GAK: variants seen among roughly 807,000 people sequenced by gnomAD.
GAK encodes the protein cyclin G associated kinase.
GAK carries 79 observed loss-of-function variants against 143.9 expected under a neutral mutation model. The observed-to-expected ratio is 0.55, with a 90% CI of 0.46 to 0.66. The LOEUF (loss-of-function observed/expected upper bound fraction) is 0.66, where lower values mean the gene tolerates loss of function less well. Ranked by LOEUF, GAK falls within the 30% of genes least tolerant of loss-of-function variation. The probability of loss-of-function intolerance (pLI) is 0.00; values close to 1 mark genes in which losing one functional copy is unlikely to be tolerated. For missense variants in GAK, 1,693 were observed against 1,779.7 expected (o/e 0.95, Z 0.88); for synonymous variants, 881 against 765.5 (o/e 1.15, Z -2.49).
intron 18 of GAK, among the ~76,000 whole-genome samples, chr4:875,604 C>T (rs573986630): frequency 2.0e-5 from 3 of 152,350 alleles, no homozygotes; most frequent in East Asian, 1.9e-4. Context: ...TGGGAGCCCC[C>T]GTGGGTGCCC....
At chr4:919,388 A>C (rs1000206365) in intron 1 of GAK, among the ~76,000 whole-genome samples, 2 of 152,224 alleles carry the variant, frequency 1.3e-5, no homozygotes, top group Non-Finnish European at 2.9e-5. Context: ...GAAAGACAGA[A>C]GGCTCCAAAG....
At chr4:920,477 TC>T (rs1723734648) in intron 1 of GAK, among the ~76,000 whole-genome samples, 1 of 150,744 alleles carries the variant, frequency 6.6e-6, no homozygotes, top group South Asian at 2.1e-4. Context: ...AAGGAGAAGG[TC>T]CCAGAAGTCC....
Position 870,824 on chromosome 4 carries a change from C to G in GAK, c.2135G>C (p.Arg712Thr), listed in dbSNP as rs1712419078. ...QVNLEVEVEP[R>T]DRPSREAPPW... is the part of the protein sequence containing the mutation. Reference sequence around the variant, plus strand: ...TGGGGCTTCCCGGCTCGGCCTGTCCCTGGGCTCCACCTCCACTTCCAGGTT... The same window carrying G: ...TGGGGCTTCCCGGCTCGGCCTGTCCGTGGGCTCCACCTCCACTTCCAGGTT... Residue 712 changes from arginine (R) to threonine (T), a missense_variant, in exon 19 of 28, where the codon AGG (arginine) becomes ACG (threonine). By Grantham distance (71) the Arg-to-Thr change is moderately conservative. Coordinates refer to ENST00000314167, the MANE Select transcript of GAK (RefSeq NM_005255.4). 3.7e-6 allele frequency: 6 copies of G among 1,614,110 alleles called. No individual in the cohort carries two copies. Among genetic ancestry groups the G allele is most frequent in the Non-Finnish European group, 4.2e-6 (5 of 1,179,998 alleles).
At chr4:877,841 C>T (rs367654180) in intron 15 of GAK, 32 bp from the exon 16 acceptor site, 28 of 1,538,762 alleles carry the variant, frequency 1.8e-5, no homozygotes, top group Middle Eastern at 1.7e-4. Context: ...CACCACGTGA[C>T]GTGCCCTGAG....
rs923240478 is a variant in GAK at position 877,876 on chromosome 4, C to T, written c.1662-67G>A. The T allele has an allele frequency of 4.2e-6, 6 of 1,421,254 alleles. 1 individual carries two copies. In the African/African-American group the frequency reaches 7.2e-5, roughly 17 times the overall value. The allele number at this position is 1,421,254 out of a possible 1,614,324, so 88.0% of individuals were successfully genotyped here. ...GAGGGGACCACACAGCTGATTTTGTCTTTCGAATAGAAGTTTTTCATGCTA... is the reference window on the plus strand; with the variant it reads ...GAGGGGACCACACAGCTGATTTTGTTTTTCGAATAGAAGTTTTTCATGCTA... On this transcript the variant is annotated intron_variant, in intron 15 of 27. Transcript: ENST00000314167.
chr4:928,222 T>C (rs999477510), intron 1 of GAK, among the ~76,000 whole-genome samples: 1 of 152,204 alleles, frequency 6.6e-6, no homozygotes, highest in Admixed American at 6.5e-5. Flanking sequence ...CATGCCCAGC[T>C]AGTTTTTGTA....
intron 20 of GAK, 105 bp downstream of exon 20, chr4:868,434 G>T: frequency 8.2e-7 from 1 of 1,215,312 alleles, no homozygotes; most frequent in Non-Finnish European, 1.1e-6. Context: ...GTGCAACTCA[G>T]CTCTGCCGGA....
intron 11 of GAK, chr4:888,575 G>T: frequency 2.2e-6 from 1 of 457,870 alleles, no homozygotes; most frequent in Non-Finnish European, 3.9e-6. Flanking sequence ...CAGAGTGAGG[G>T]GCGACATTGC....
At chr4:898,732 G>A (rs991218008) in intron 5 of GAK, among the ~76,000 whole-genome samples, 2 of 152,114 alleles carry the variant, frequency 1.3e-5, no homozygotes, top group Non-Finnish European at 2.9e-5. Context: ...GCATGGTGGC[G>A]GGCGCCTGTA....
chr4:893,463 C>T lies in GAK; in HGVS notation c.904G>A (p.Glu302Lys), dbSNP rs755237331. Residue 302 changes from glutamate to lysine, a missense_variant, in exon 9 of 28, where the codon GAG becomes AAG. Physicochemically the swap from Glu to Lys is moderately conservative, Grantham distance 56. Transcript: ENST00000314167. ...ACCACCTCGGCGATGGACAGCCGCT[C>T]CTCCGGGTTCACCTGCAGCATGGCG... ...IRAMLQVNPEERLSIAEVVHQ... is the reference protein window; with the variant it reads ...IRAMLQVNPEKRLSIAEVVHQ... The T allele has an allele frequency of 1.3e-6, 2 of 1,583,472 alleles. No homozygotes were observed. The highest frequency in any genetic ancestry group is 1.1e-5 in the South Asian group (1 of 87,802).
intron 4 of GAK, among the ~76,000 whole-genome samples, chr4:909,497 C>T (rs6820943): frequency 0.03 from 4,571 of 152,188 alleles, 102 homozygotes; most frequent in South Asian, 0.089. Flanking sequence ...GCACGGACTG[C>T]ATGGACGCAC....
chr4:852,140 G>T, intron 24 of GAK, 166 bp from the exon 25 acceptor site: 1 of 663,530 alleles, frequency 1.5e-6, no homozygotes, highest in Admixed American at 2.3e-5. Context: ...ACGTGTGAAG[G>T]TCTCCAGGGG....
intron 1 of GAK, among the ~76,000 whole-genome samples, chr4:919,167 G>A (rs959009456): frequency 4.6e-5 from 7 of 151,176 alleles, no homozygotes; most frequent in Non-Finnish European, 8.8e-5. Flanking sequence ...ACCTTAGCAG[G>A]ACAGAAGGCT....
At position 896,484 on chromosome 4, in the gene GAK, C is replaced by G. The variant is rs769640747; in HGVS notation, c.717G>C (p.Pro239=). ...CCCAGATATCCTGCTTCTCGCCGAT[C>G]GGGAAGTTGGAATACAAGTCTATGA... ...PEIIDLYSNF[P]IGEKQDIWAL... The change falls in exon 7 of 28, where the codon CCG becomes CCC. Residue 239 remains proline (P), a synonymous_variant. Transcript: ENST00000314167. 3 of 1,613,910 alleles carry G rather than the reference C, an allele frequency of 1.9e-6. No individual in the cohort carries two copies. In the Admixed American group the frequency reaches 5.0e-5, roughly 27 times the overall value.
chr4:856,543 A>AC (rs1360048386), intron 24 of GAK, among the ~76,000 whole-genome samples: 30 of 137,144 alleles, frequency 2.2e-4, no homozygotes, highest in African/African-American at 4.2e-4. Flanking sequence ...ACAGCTGCTC[A>AC]CACCTGCTCA....
chr4:889,990 C>A (rs2152844235), intron 10 of GAK, among the ~76,000 whole-genome samples: 1 of 152,288 alleles, frequency 6.6e-6, no homozygotes, highest in Admixed American at 6.5e-5. Flanking sequence ...CTCCACTGTC[C>A]AATGCCTGCT....
chr4:888,805 C>T (rs747580371), intron 11 of GAK, 42 bp downstream of exon 11: 16 of 1,573,864 alleles, frequency 1.0e-5, no homozygotes, highest in South Asian at 5.8e-5. Context: ...CAGCCTGGAA[C>T]GAGCGTGCGG....
intron 4 of GAK, among the ~76,000 whole-genome samples, chr4:908,333 C>A (rs1007359703): frequency 6.6e-6 from 1 of 152,142 alleles, no homozygotes; most frequent in African/African-American, 2.4e-5. Flanking sequence ...ACCAGGAAAA[C>A]CAAGCAGCCT....
intron 1 of GAK, among the ~76,000 whole-genome samples, chr4:917,347 C>T (rs1206242834): frequency 6.6e-6 from 1 of 151,936 alleles, no homozygotes; most frequent in Non-Finnish European, 1.5e-5. Context: ...AAAGAGAGTA[C>T]ATACACACAC....
Sources: gnomAD v4.1 joint callset for allele counts (sites outside exome capture counted in the v4.1 genomes callset) on GRCh38, gnomAD v4.1.1 for gene constraint, MANE v1.5 for transcripts, NCBI Gene and HGNC (gene_info 2026-07-23, HGNC 2026-07-21) for gene names.